Variants in PPP2R2A observed in about 807,000 individuals in gnomAD.
PPP2R2A encodes the protein protein phosphatase 2 regulatory subunit Balpha, also known as serine/threonine-protein phosphatase 2A 55 kDa regulatory subunit B alpha isoform.
PPP2R2A carries 9 observed loss-of-function variants against 53.2 expected under a neutral mutation model. The ratio of observed to expected loss-of-function variants is 0.17; its 90% CI spans 0.10 to 0.30. The LOEUF (loss-of-function observed/expected upper bound fraction) is 0.30. Ranked by LOEUF, PPP2R2A falls within the 10% of genes least tolerant of loss-of-function variation. PPP2R2A has a pLI of 1.00. For synonymous variants in PPP2R2A, 169 were observed against 174.2 expected (o/e 0.97, Z 0.23); for missense variants, 235 against 534.6 (o/e 0.44, Z 5.53).
intron 2 of PPP2R2A, among the ~76,000 whole-genome samples, chr8:26,303,401 C>T (rs1246095462): frequency 6.6e-6 from 1 of 152,152 alleles, no homozygotes; most frequent in Non-Finnish European, 1.5e-5. Context: ...AGGTTGCCTG[C>T]CTCGTCATTA....
At chr8:26,344,220 A>C (rs548295906) in intron 3 of PPP2R2A, among the ~76,000 whole-genome samples, 1 of 152,330 alleles carries the variant, frequency 6.6e-6, no homozygotes, top group African/African-American at 2.4e-5. Flanking sequence ...GCAAAATAAC[A>C]AAGATGTATG....
At chr8:26,369,231 G>T (rs1805541498) in intron 9 of PPP2R2A, among the ~76,000 whole-genome samples, 1 of 151,944 alleles carries the variant, frequency 6.6e-6, no homozygotes, top group African/African-American at 2.4e-5. Flanking sequence ...ACCCTGAGAA[G>T]ATTATTTATT....
chr8:26,299,717 TC>T (rs1260379914), intron 2 of PPP2R2A, among the ~76,000 whole-genome samples: 1 of 149,712 alleles, frequency 6.7e-6, no homozygotes, highest in African/African-American at 2.5e-5. Context: ...CTTCTGCATC[TC>T]TTTTTTTTTT....
chr8:26,293,231 C>T, intron 1 of PPP2R2A: 1 of 1,535,736 alleles, frequency 6.5e-7, no homozygotes, highest in Non-Finnish European at 8.7e-7. Flanking sequence ...AATCATTACT[C>T]CTTACCCAGG....
At chr8:26,346,621 A>AT (rs1489623007) in intron 3 of PPP2R2A, among the ~76,000 whole-genome samples, 1 of 152,130 alleles carries the variant, frequency 6.6e-6, no homozygotes, top group African/African-American at 2.4e-5. Context: ...AGTTGTGTAG[A>AT]TAGGTTTTGA....
At chr8:26,323,930 T>C (rs1802964066) in intron 2 of PPP2R2A, among the ~76,000 whole-genome samples, 1 of 152,214 alleles carries the variant, frequency 6.6e-6, no homozygotes, top group African/African-American at 2.4e-5. Context: ...CATTTCTTCC[T>C]TCCTCCAGTT....
At chr8:26,353,045 T>G (rs1804601746) in intron 3 of PPP2R2A, among the ~76,000 whole-genome samples, 1 of 152,162 alleles carries the variant, frequency 6.6e-6, no homozygotes, top group Non-Finnish European at 1.5e-5. Flanking sequence ...TGCTTAATGG[T>G]ATTGTGGTTT....
intron 2 of PPP2R2A, among the ~76,000 whole-genome samples, chr8:26,303,791 GT>G (rs1345711102): frequency 6.6e-6 from 1 of 152,100 alleles, no homozygotes; most frequent in Admixed American, 6.5e-5. Flanking sequence ...GAATATGAAT[GT>G]TTTTAGTTAA....
chr8:26,333,129 GTGT>G (rs1803469890), intron 2 of PPP2R2A, among the ~76,000 whole-genome samples: 1 of 152,178 alleles, frequency 6.6e-6, no homozygotes, highest in South Asian at 2.1e-4. Context: ...ATATGACTTT[GTGT>G]TATTTTAATG....
At chr8:26,339,460 G>T (rs901657660) in intron 3 of PPP2R2A, among the ~76,000 whole-genome samples, 1 of 152,144 alleles carries the variant, frequency 6.6e-6, no homozygotes, top group African/African-American at 2.4e-5. Context: ...AAATGTAAAG[G>T]TTTAAATGAC....
chr8:26,364,525 A>G (rs979490075), intron 8 of PPP2R2A, among the ~76,000 whole-genome samples: 1 of 152,224 alleles, frequency 6.6e-6, no homozygotes, highest in Non-Finnish European at 1.5e-5. Flanking sequence ...GGACAGCACA[A>G]ACCTGTGCTA....
At chr8:26,325,413 C>T (rs1222577118) in intron 2 of PPP2R2A, among the ~76,000 whole-genome samples, 4 of 152,164 alleles carry the variant, frequency 2.6e-5, no homozygotes, top group African/African-American at 7.2e-5. Context: ...GAGGCCTTCC[C>T]AGCCATGTGG....
chr8:26,364,222 A>C (rs544722056), intron 8 of PPP2R2A, among the ~76,000 whole-genome samples: 4 of 152,240 alleles, frequency 2.6e-5, no homozygotes, highest in Middle Eastern at 6.8e-3. Flanking sequence ...AGAGGATTGG[A>C]GAAAGTGGCC....
At chr8:26,355,846 G>A (rs371782645) in intron 4 of PPP2R2A, among the ~76,000 whole-genome samples, 2 of 148,834 alleles carry the variant, frequency 1.3e-5, no homozygotes, top group South Asian at 4.4e-4. Flanking sequence ...CTCCAGCCTG[G>A]GCAACAGAGC....
intron 2 of PPP2R2A, among the ~76,000 whole-genome samples, chr8:26,303,177 T>G (rs561634779): frequency 1.3e-5 from 2 of 152,326 alleles, no homozygotes; most frequent in African/African-American, 4.8e-5. Flanking sequence ...TAGATCTGCC[T>G]TAAGCTCCTT....
In PPP2R2A at chr8:26,360,847, C is replaced by T. The variant is rs955367234; in HGVS notation, c.460-127C>T. On this transcript the variant is annotated intron_variant, in intron 5 of 9. Transcript: ENST00000380737. This position sits in a 1 kb window ranked among gnomAD's most constrained non-coding sequence, Gnocchi z 4.5. ...GATCAACATCAGTTGCTTTTTAAAA[C>T]TAAATCTATGTAATATTGTTCTATT... is the stretch of plus-strand genomic sequence containing the variant. 14 of 886,372 alleles carry T rather than the reference C, an allele frequency of 1.6e-5. No homozygotes were observed. Among genetic ancestry groups the T allele is most frequent in the South Asian group, 2.0e-5 (1 of 49,384 alleles). 54.9% of individuals were successfully genotyped at this position (886,372 alleles called of 1,614,324 possible).
At chr8:26,364,717 C>G (rs1805278069) in intron 8 of PPP2R2A, among the ~76,000 whole-genome samples, 1 of 152,126 alleles carries the variant, frequency 6.6e-6, no homozygotes, top group Admixed American at 6.5e-5. Flanking sequence ...AAACAAAAGA[C>G]AAAATACTGC....
chr8:26,352,851 A>G (rs942858981), intron 3 of PPP2R2A, among the ~76,000 whole-genome samples: 14 of 152,302 alleles, frequency 9.2e-5, no homozygotes, highest in African/African-American at 3.4e-4. Context: ...GCTTACCTTA[A>G]TTGTGTAGAC....
chr8:26,303,816 T>C (rs893938394), intron 2 of PPP2R2A, among the ~76,000 whole-genome samples: 2 of 152,220 alleles, frequency 1.3e-5, no homozygotes, highest in African/African-American at 4.8e-5. Context: ...TGGCAGTAGT[T>C]GATTACAATA....
Sources: gnomAD v4.1 joint callset for allele counts (sites outside exome capture counted in the v4.1 genomes callset) on GRCh38, gnomAD v4.1.1 for gene constraint, Gnocchi (gnomAD v3.1) non-coding constraint, MANE v1.5 for transcripts, NCBI Gene and HGNC (gene_info 2026-07-23, HGNC 2026-07-21) for gene names.